The following XIRP2 variants were observed in gnomAD, a reference collection of about 807,000 sequenced individuals.
XIRP2 encodes xin actin binding repeat containing 2.
A neutral mutation model predicts 277.0 loss-of-function variants in XIRP2; 236 were observed. That is an observed-to-expected ratio of 0.85 (90% confidence interval 0.77 to 0.95). XIRP2 has a LOEUF of 0.95. XIRP2 is among the 40% of genes least tolerant of loss of function. XIRP2 has a pLI of 0.00. For missense variants in XIRP2, 4,640 were observed against 4,157.5 expected (o/e 1.12, Z -3.19); for synonymous variants, 1,490 against 1,416.5 (o/e 1.05, Z -1.17).
intron 2 of XIRP2, among the ~76,000 whole-genome samples, chr2:167,088,618 A>G (rs912147159): frequency 3.3e-5 from 5 of 152,142 alleles, no homozygotes; most frequent in Non-Finnish European, 4.4e-5. Flanking sequence ...ACATTCTACA[A>G]TCACAGGGCC....
intron 3 of XIRP2, among the ~76,000 whole-genome samples, chr2:167,164,819 G>A (rs926202974): frequency 6.9e-6 from 1 of 145,224 alleles, no homozygotes; most frequent in South Asian, 2.2e-4. Context: ...CATAGCTTCC[G>A]TTATCAATAT....
chr2:167,000,032 A>G (rs1349723291), intron 2 of XIRP2, among the ~76,000 whole-genome samples: 5 of 152,202 alleles, frequency 3.3e-5, no homozygotes, highest in Admixed American at 6.5e-5. Flanking sequence ...ATAAATTTCC[A>G]TTTGAAATGT....
At chr2:166,938,378 G>T (rs1483809589) in intron 2 of XIRP2, among the ~76,000 whole-genome samples, 3 of 152,294 alleles carry the variant, frequency 2.0e-5, no homozygotes, top group Admixed American at 1.3e-4. Context: ...GGAGCAGGTT[G>T]TTCAGTTTCC....
Position 167,255,979 on chromosome 2 carries a change from C to A in XIRP2, c.*39+1814C>A, listed in dbSNP as rs552701101. Among the ~76,000 whole-genome samples, 4 of 151,732 alleles carry A rather than the reference C, an allele frequency of 2.6e-5. 1 individual carries two copies. The highest frequency in any genetic ancestry group is 7.2e-5 in the African/African-American group (3 of 41,430). ...ATAAAGTGTTGGAATAGCTTGATAA[C>A]GATCTAATTTTATTTTCCTTATAAG... On this transcript the variant is annotated intron_variant, in intron 10 of 10. Coordinates refer to ENST00000409195, the MANE Select transcript of XIRP2 (RefSeq NM_152381.6).
intron 2 of XIRP2, among the ~76,000 whole-genome samples, chr2:167,072,012 G>C (rs1646328534): frequency 6.6e-6 from 1 of 152,184 alleles, no homozygotes; most frequent in Admixed American, 6.5e-5. Flanking sequence ...CTTAGCAGCA[G>C]ACTCTGGTAT....
intron 2 of XIRP2, among the ~76,000 whole-genome samples, chr2:167,010,922 G>A (rs1269150011): frequency 1.1e-4 from 16 of 151,198 alleles, no homozygotes; most frequent in African/African-American, 3.9e-4. Flanking sequence ...ATTGATTTTT[G>A]TATCCTGAGA....
intron 3 of XIRP2, among the ~76,000 whole-genome samples, chr2:167,148,518 A>G (rs369539318): frequency 1.3e-5 from 2 of 151,696 alleles, no homozygotes; most frequent in East Asian, 3.9e-4. Flanking sequence ...GGAGGGAGGG[A>G]AAGAGGTAAA....
chr2:166,912,457 A>G (rs372191746), intron 2 of XIRP2, among the ~76,000 whole-genome samples: 80 of 152,292 alleles, frequency 5.3e-4, no homozygotes, highest in African/African-American at 1.7e-3. Flanking sequence ...TTTCAGCTCC[A>G]TCAGGTCATT....
chr2:167,214,268 AG>A, intron 4 of XIRP2, among the ~76,000 whole-genome samples: 1 of 73,210 alleles, frequency 1.4e-5, no homozygotes, highest in African/African-American at 8.1e-5. Flanking sequence ...AAAGAGAGAG[AG>A]AGAAAGAGAG....
rs996936818 is a variant in XIRP2 at position 167,047,566 on chromosome 2, C to T, written c.409-88343C>T. 2.6e-5 allele frequency among the ~76,000 whole-genome samples: 4 copies of T among 151,750 alleles called. 1 individual carries two copies. Among genetic ancestry groups the T allele is most frequent in the African/African-American group, 9.7e-5 (4 of 41,354 alleles). ...AATTTTGAGGGCCAATAAAATTATT[C>T]AGAAATATGGAGGATAAAAAGTTCC... On this transcript the variant is annotated intron_variant, in intron 2 of 10. Coordinates refer to ENST00000409195, the MANE Select transcript of XIRP2 (RefSeq NM_152381.6).
chr2:167,244,517 T>C lies in XIRP2; in HGVS notation c.3125T>C (p.Ile1042Thr). 6 of 1,613,678 alleles carry C rather than the reference T, an allele frequency of 3.7e-6. No homozygotes were observed. The highest frequency in any genetic ancestry group is 5.1e-6 in the Non-Finnish European group (6 of 1,179,800). The part of the protein sequence containing the change: ...SIHKFQIIRG[I>T]SAQEIQTGNV... ...CATAAATTTCAAATAATTAGAGGAA[T>C]ATCTGCTCAAGAAATACAGACTGGA... The change falls in exon 9 of 11, where the codon ATA becomes ACA. Residue 1042 changes from isoleucine to threonine, a missense_variant. Coordinates refer to ENST00000409195, the MANE Select transcript of XIRP2 (RefSeq NM_152381.6).
At chr2:167,037,638 T>A (rs150923220) in intron 2 of XIRP2, among the ~76,000 whole-genome samples, 1 of 151,770 alleles carries the variant, frequency 6.6e-6, no homozygotes, top group African/African-American at 2.4e-5. Context: ...ATGTACACCC[T>A]GAGACCCTCA....
chr2:167,142,923 A>C (rs921069205), intron 3 of XIRP2, among the ~76,000 whole-genome samples: 1 of 152,132 alleles, frequency 6.6e-6, no homozygotes, highest in Admixed American at 6.6e-5. Flanking sequence ...AATGGAAAGA[A>C]GGAAAGGAAG....
intron 2 of XIRP2, among the ~76,000 whole-genome samples, chr2:166,986,242 C>T (rs1169214172): frequency 6.6e-6 from 1 of 152,078 alleles, no homozygotes; most frequent in Non-Finnish European, 1.5e-5. Context: ...CTAATAGACC[C>T]TAGGATTCTG....
In XIRP2 at chr2:167,246,371, A is replaced by T; in HGVS notation, c.4979A>T (p.Gln1660Leu). The change falls in exon 9 of 11, where the codon CAA becomes CTA. Residue 1660 changes from glutamine to leucine, a missense_variant. Transcript: ENST00000409195. ...EKEEIVKGDV[Q>L]QAIKNLFSEE... ...GAAGAGATAGTGAAAGGTGATGTACAACAAGCAATAAAAAACCTGTTCTCT... is the reference window on the plus strand; with the variant it reads ...GAAGAGATAGTGAAAGGTGATGTACTACAAGCAATAAAAAACCTGTTCTCT... 6.2e-7 allele frequency: 1 copy of T among 1,613,420 alleles called. No homozygotes were observed. Among genetic ancestry groups the T allele is most frequent in the Non-Finnish European group, 8.5e-7 (1 of 1,179,714 alleles).
rs767760428 is a variant in XIRP2 at position 167,245,463 on chromosome 2, G to A, written c.4071G>A (p.Lys1357=). 12 of 1,613,500 alleles carry A rather than the reference G, an allele frequency of 7.4e-6. No homozygotes were observed. In the South Asian group the frequency reaches 1.2e-4, roughly 16 times the overall value. ...VRGTRWLFET[K]PLDSINKSET... is the part of the protein sequence containing the mutation. ...GAACAAGGTGGCTTTTTGAAACAAA[G>A]CCATTAGACTCTATTAATAAATCAG... Residue 1357 remains lysine (K), a synonymous_variant, in exon 9 of 11, where the codon AAG becomes AAA. Coordinates refer to ENST00000409195, the MANE Select transcript of XIRP2 (RefSeq NM_152381.6).
At chr2:167,128,945 A>G (rs1691294997) in intron 2 of XIRP2, among the ~76,000 whole-genome samples, 1 of 152,196 alleles carries the variant, frequency 6.6e-6, no homozygotes, top group Non-Finnish European at 1.5e-5. Context: ...TGAATGAGTG[A>G]AAGATGAGTA....
intron 2 of XIRP2, among the ~76,000 whole-genome samples, chr2:166,958,092 C>A (rs73973534): frequency 0.047 from 7,147 of 151,804 alleles, 209 homozygotes; most frequent in East Asian, 0.079. Flanking sequence ...GAAATGTGAG[C>A]GACTTTGCTA....
At chr2:167,087,590 C>T (rs181580730) in intron 2 of XIRP2, among the ~76,000 whole-genome samples, 10 of 152,252 alleles carry the variant, frequency 6.6e-5, no homozygotes, top group East Asian at 3.9e-4. Flanking sequence ...TAGCAATCAG[C>T]GAGACTCCAT....
Sources: allele counts gnomAD v4.1 joint callset (sites outside exome capture counted in the v4.1 genomes callset), GRCh38; gene constraint gnomAD v4.1.1; transcripts MANE v1.5; gene names NCBI Gene and HGNC (gene_info 2026-07-23, HGNC 2026-07-21).